Variants in RNF157 observed in about 807,000 individuals in gnomAD.
The protein encoded by RNF157 is ring finger protein 157, also known as E3 ubiquitin ligase RNF157.
In RNF157, 55 loss-of-function variants were observed where a neutral mutation model predicts 88.3. That is an observed-to-expected ratio of 0.62 (90% CI 0.50 to 0.78). The LOEUF (loss-of-function observed/expected upper bound fraction) is 0.78. Among genes scored for constraint, RNF157 ranks in the 30% least tolerant of loss-of-function variants. The pLI, the probability that RNF157 is intolerant of heterozygous loss-of-function variation, is 0.00. For synonymous variants in RNF157, 334 were observed against 341.2 expected, an observed-to-expected ratio of 0.98 and a Z score of 0.23; for missense variants, 788 against 860.8, an observed-to-expected ratio of 0.92 and a Z score of 1.06.
At chr17:76,236,999 A>G (rs1165620274) in intron 1 of RNF157, among the ~76,000 whole-genome samples, 1 of 152,192 alleles carries the variant, frequency 6.6e-6, no homozygotes, top group Non-Finnish European at 1.5e-5. Flanking sequence ...GTGGATGGAC[A>G]ACAGCGGTGA....
chr17:76,223,556 G>C (rs1335167136), intron 1 of RNF157, among the ~76,000 whole-genome samples: 2 of 152,148 alleles, frequency 1.3e-5, no homozygotes, highest in Non-Finnish European at 2.9e-5. Flanking sequence ...AAAAGAAAGA[G>C]GGATAATGAA....
At position 76,146,619 on chromosome 17, in the gene RNF157, G is replaced by A; in HGVS notation, c.1922-1266C>T. 1.0e-6 allele frequency: 1 copy of A among 985,474 alleles called. No individual in the cohort carries two copies. The highest frequency in any genetic ancestry group is 1.2e-6 in the Non-Finnish European group (1 of 829,942). 61.0% of individuals were successfully genotyped at this position (985,474 alleles called of 1,614,324 possible). A position where few individuals can be genotyped will look rare whatever the true frequency, so the allele number is the denominator to read the frequency against. ...CCTCACGAGGCATCTCTGGCCGGGG[G>A]AGGCCCAGTGTGCTCCTAAGTGCTC... On this transcript the variant is annotated intron_variant, in intron 18 of 18. Coordinates refer to ENST00000269391, the MANE Select transcript of RNF157 (RefSeq NM_052916.3). This position sits in a 1 kb window ranked among gnomAD's most constrained non-coding sequence, Gnocchi z 4.2.
chr17:76,226,105 A>G, intron 1 of RNF157: 1 of 1,601,968 alleles, frequency 6.2e-7, no homozygotes, highest in Non-Finnish European at 8.5e-7. Context: ...TAGAGGGGCT[A>G]TGCTGAGGAG....
chr17:76,159,232 G>A, intron 12 of RNF157, 103 bp downstream of exon 12: 3 of 994,800 alleles, frequency 3.0e-6, no homozygotes, highest in Admixed American at 1.9e-5. Context: ...AGCCCAGAGG[G>A]TTACTCTGCC....
intron 2 of RNF157, chr17:76,211,937 T>A (rs2069808356): frequency 6.5e-6 from 1 of 153,774 alleles, no homozygotes; most frequent in Admixed American, 6.5e-5. Context: ...CCAGGCTTTG[T>A]TCTAGGTTTG....
intron 13 of RNF157, among the ~76,000 whole-genome samples, chr17:76,156,805 C>G (rs2068771778): frequency 6.6e-6 from 1 of 152,236 alleles, no homozygotes; most frequent in Admixed American, 6.5e-5. Flanking sequence ...CTCCCACACC[C>G]CCACCTCCGA....
intron 6 of RNF157, 145 bp from the exon 7 acceptor site, chr17:76,165,690 T>C (rs1293815129): frequency 1.2e-6 from 1 of 806,016 alleles, no homozygotes; most frequent in African/African-American, 1.7e-5. Flanking sequence ...ATACTTTTTT[T>C]TTTTTGAGAC....
At chr17:76,237,235 C>T (rs2070298316) in intron 1 of RNF157, among the ~76,000 whole-genome samples, 1 of 152,172 alleles carries the variant, frequency 6.6e-6, no homozygotes, top group South Asian at 2.1e-4. Context: ...TAAGAAGTTC[C>T]ATTAAATATA....
In RNF157 at chr17:76,155,494, G is replaced by T. The variant is rs1228180150; in HGVS notation, c.1698+68C>A. 15 of 1,566,028 alleles carry T rather than the reference G, an allele frequency of 9.6e-6. No individual in the cohort carries two copies. The African/African-American group carries it at 2.1e-4, about 21-fold the overall frequency. On this transcript the variant is annotated intron_variant, in intron 15 of 18. Coordinates refer to ENST00000269391, the MANE Select transcript of RNF157 (RefSeq NM_052916.3). ...TTGCAGCCATGCATGGCAGACCTTT[G>T]GTTATGCTACTTTGGACATGTGCAC...
intron 18 of RNF157, among the ~76,000 whole-genome samples, chr17:76,145,736 T>C (rs1354486752): frequency 2.0e-5 from 3 of 152,184 alleles, no homozygotes; most frequent in African/African-American, 4.8e-5. Context: ...GCTATTTTCA[T>C]TGGGGCAGGA....
intron 18 of RNF157, chr17:76,147,038 G>C (rs2068596009): frequency 2.0e-6 from 2 of 985,230 alleles, no homozygotes; most frequent in African/African-American, 3.5e-5. Flanking sequence ...GAACAGGAGA[G>C]TCTTGGATCT....
intron 3 of RNF157, among the ~76,000 whole-genome samples, chr17:76,171,036 G>C (rs1437496582): frequency 1.3e-5 from 2 of 150,592 alleles, no homozygotes; most frequent in African/African-American, 2.5e-5. Context: ...GGGATTACAG[G>C]TGCCTGCCAC....
Position 76,166,497 on chromosome 17 carries a change from G to A in RNF157, c.592C>T (p.Pro198Ser), listed in dbSNP as rs550231445. 6.2e-7 allele frequency: 1 copy of A among 1,613,826 alleles called. No individual in the cohort carries two copies. Among genetic ancestry groups the A allele is most frequent in the East Asian group, 2.2e-5 (1 of 44,888 alleles). ...LGFDLDREVY[P>S]LVVHAVVDEG... ...TCCACCACGGCATGTACCACTAGAG[G>A]GTAAACTTCTCGGTCTAAATCAAAG... Residue 198 changes from proline to serine, a missense_variant, in exon 6 of 19, where the codon CCT becomes TCT. Coordinates refer to ENST00000269391, the MANE Select transcript of RNF157 (RefSeq NM_052916.3).
Position 76,146,894 on chromosome 17 carries a change from C to T in RNF157, c.1922-1541G>A, listed in dbSNP as rs1456711788. On this transcript the variant is annotated intron_variant, in intron 18 of 18. Transcript: ENST00000269391. The surrounding 1 kb of genome is among the most constrained non-coding windows in gnomAD (Gnocchi z 4.2). ...TGTCCAGGGTCAGCCTCAGGCCAGC[C>T]CAGGACATGAAACCCTTTAATGGCA... The T allele has an allele frequency of 1.0e-6, 1 of 985,312 alleles. No homozygotes were observed. Among genetic ancestry groups the T allele is most frequent in the Admixed American group, 6.1e-5 (1 of 16,266 alleles). The allele number at this position is 985,312 out of a possible 1,614,324, so 61.0% of individuals were successfully genotyped here.
intron 2 of RNF157, among the ~76,000 whole-genome samples, chr17:76,185,983 A>G (rs1308563321): frequency 6.6e-6 from 1 of 152,098 alleles, no homozygotes; most frequent in Non-Finnish European, 1.5e-5. Flanking sequence ...AAACATATAT[A>G]TATATATTTC....
rs115627588 is a variant in RNF157 at position 76,144,794 on chromosome 17, C to T, written c.*441G>A. The T allele has an allele frequency of 0.015, 2,389 of 156,468 alleles. 73 individuals are homozygous for T. The highest frequency in any genetic ancestry group is 0.055 in the African/African-American group (2,284 of 41,666). The allele number at this position is 156,468 out of a possible 1,614,324, so 9.7% of individuals were successfully genotyped here. On this transcript the variant is annotated 3_prime_UTR_variant, in exon 19 of 19. Coordinates refer to ENST00000269391, the MANE Select transcript of RNF157 (RefSeq NM_052916.3). ...GTATGGCTCTCCCTTTCCACAGGAG[C>T]GATCCTCCAGCCCTACCCCAAACTG...
At chr17:76,233,656 C>T (rs566742257) in intron 1 of RNF157, among the ~76,000 whole-genome samples, 2 of 152,232 alleles carry the variant, frequency 1.3e-5, no homozygotes, top group South Asian at 4.1e-4. Context: ...TCTGCCTCAA[C>T]CTGCCGAGTA....
intron 2 of RNF157, among the ~76,000 whole-genome samples, chr17:76,179,987 C>G (rs535330800): frequency 6.6e-6 from 1 of 152,172 alleles, no homozygotes; most frequent in African/African-American, 2.4e-5. Flanking sequence ...TGCATGGTGA[C>G]AAGGAAGACC....
chr17:76,231,242 C>A (rs1172296795), intron 1 of RNF157, among the ~76,000 whole-genome samples: 3 of 152,186 alleles, frequency 2.0e-5, no homozygotes, highest in African/African-American at 7.2e-5. Context: ...CATGATCCGC[C>A]CGCCTCGGCC....
Sources: allele counts gnomAD v4.1 joint callset (sites outside exome capture counted in the v4.1 genomes callset), GRCh38; gene constraint gnomAD v4.1.1; non-coding constraint Gnocchi (gnomAD v3.1); transcripts MANE v1.5; gene names NCBI Gene and HGNC (gene_info 2026-07-23, HGNC 2026-07-21).